The following TBC1D17 variants were observed in gnomAD, a reference collection of about 807,000 sequenced individuals.
TBC1D17 encodes the protein TBC1 domain family member 17, also known as TBC1 domain family, member 17.
A neutral mutation model predicts 78.8 loss-of-function variants in TBC1D17; 69 were observed. The ratio of observed to expected loss-of-function variants is 0.88; its 90% CI spans 0.72 to 1.07. TBC1D17 has a LOEUF of 1.07. Ranked by LOEUF, TBC1D17 falls within the 50% of genes least tolerant of loss-of-function variation. The pLI, the probability that TBC1D17 is intolerant of heterozygous loss-of-function variation, is 0.00. For synonymous variants in TBC1D17, 456 were observed against 358.3 expected (o/e 1.27, Z -3.08); for missense variants, 957 against 861.0 (o/e 1.11, Z -1.39).
intron 1 of TBC1D17, 116 bp downstream of exon 1, chr19:49,877,860 G>A (rs909921849): frequency 8.4e-6 from 11 of 1,303,174 alleles, no homozygotes; most frequent in Non-Finnish European, 1.2e-5. Context: ...GGCAAACACC[G>A]ATCTCTTATA....
intron 9 of TBC1D17, 80 bp downstream of exon 9, chr19:49,883,156 G>A (rs1189942244): frequency 9.7e-6 from 13 of 1,338,738 alleles, no homozygotes; most frequent in East Asian, 4.8e-5. Context: ...TTCTGTGGAC[G>A]CTGGTTGTGA....
Position 49,884,703 on chromosome 19 carries a change from C to T in TBC1D17, c.1389C>T (p.Leu463=), listed in dbSNP as rs773431469. 34 of 1,614,002 alleles carry T rather than the reference C, an allele frequency of 2.1e-5. No individual in the cohort carries two copies. Among genetic ancestry groups the T allele is most frequent in the Non-Finnish European group, 2.4e-5 (28 of 1,180,040 alleles). ...GCCAGGAGACCATGAAGCGGCAACT[C>T]GGGCGACTGCTGCTGCTCCTGAGGG... The part of the protein sequence containing the change: ...EESQETMKRQ[L]GRLLLLLRVL... The change falls in exon 13 of 17, where the codon CTC becomes CTT. Residue 463 remains leucine (L), a synonymous_variant. Transcript: ENST00000221543.
intron 4 of TBC1D17, 104 bp downstream of exon 4, chr19:49,880,506 A>C: frequency 2.7e-5 from 39 of 1,437,686 alleles, no homozygotes; most frequent in Non-Finnish European, 3.6e-5. Context: ...ACAATCAAGA[A>C]GGCCACCAGT....
intron 15 of TBC1D17, 93 bp from the exon 16 acceptor site, chr19:49,888,138 T>G (rs762494490): frequency 1.8e-5 from 28 of 1,539,226 alleles, no homozygotes; most frequent in Non-Finnish European, 2.5e-5. Flanking sequence ...CAGCCCGGTG[T>G]GTCTTCATTG....
chr19:49,882,856 GCAGGTCC>G lies in TBC1D17; in HGVS notation c.893_899del (p.Gln298LeufsTer3), dbSNP rs1262624147. 1.9e-6 allele frequency: 3 copies of G among 1,611,248 alleles called. No individual in the cohort carries two copies. The highest frequency in any genetic ancestry group is 2.5e-6 in the Non-Finnish European group (3 of 1,179,266). On this transcript the variant is annotated frameshift_variant, in exon 8 of 17. Coordinates refer to ENST00000221543, the MANE Select transcript of TBC1D17 (RefSeq NM_024682.3). LOFTEE classifies it high-confidence loss of function. ...ACGTGGGCCCTGAAGGTCGCCTGCAGCAGGTCCCTGAGCTGAAGAACCGGATCTTCTC... is the reference window on the plus strand; with the variant it reads ...ACGTGGGCCCTGAAGGTCGCCTGCAGCTGAGCTGAAGAACCGGATCTTCTC...
At chr19:49,878,776 G>A (rs968501418) in intron 3 of TBC1D17, 20 of 581,530 alleles carry the variant, frequency 3.4e-5, no homozygotes, top group Admixed American at 9.0e-5. Flanking sequence ...AGAGCAGGGA[G>A]CATAAGACGC....
chr19:49,880,711 G>A (rs1600445247), intron 4 of TBC1D17, among the ~76,000 whole-genome samples: 3 of 152,334 alleles, frequency 2.0e-5, no homozygotes, highest in Admixed American at 2.0e-4. Context: ...AGCCAGTTAG[G>A]GTGATTTGCA....
intron 3 of TBC1D17, chr19:49,878,993 C>T (rs1236140252): frequency 1.1e-5 from 2 of 182,490 alleles, no homozygotes; most frequent in Non-Finnish European, 2.3e-5. Context: ...GGCTGGACCC[C>T]GTCCTGGGCA....
chr19:49,887,401 T>A (rs946266418), intron 13 of TBC1D17, 75 bp from the exon 14 acceptor site: 3 of 1,465,426 alleles, frequency 2.0e-6, no homozygotes, highest in Non-Finnish European at 2.8e-6. Flanking sequence ...GGGAAGGTCT[T>A]CCAGTCAGGA....
intron 3 of TBC1D17, 110 bp from the exon 4 acceptor site, chr19:49,880,167 TTC>T: frequency 7.1e-7 from 1 of 1,409,850 alleles, no homozygotes; most frequent in Non-Finnish European, 9.7e-7. Flanking sequence ...CTGCTGTACC[TTC>T]TTTGTGCCTC....
intron 13 of TBC1D17, among the ~76,000 whole-genome samples, chr19:49,886,137 G>A (rs1207063886): frequency 9.0e-5 from 13 of 144,092 alleles, no homozygotes; most frequent in Non-Finnish European, 1.7e-4. Flanking sequence ...AAAATTAGCC[G>A]GGGGTGGTGG....
At chr19:49,884,585 A>T in intron 12 of TBC1D17, 26 bp downstream of exon 12, 3 of 1,613,448 alleles carry the variant, frequency 1.9e-6, no homozygotes, top group Non-Finnish European at 2.5e-6. Context: ...GGGGTGGGAC[A>T]CAGGCCTATC....
At chr19:49,887,620 T>A (rs1215663674) in intron 14 of TBC1D17, 47 bp downstream of exon 14, 2 of 1,611,242 alleles carry the variant, frequency 1.2e-6, no homozygotes, top group South Asian at 2.2e-5. Flanking sequence ...TGGGCTCACC[T>A]GCCCTGGGAG....
rs868793923 is a variant in TBC1D17 at position 49,882,231 on chromosome 19, C to A, written c.640-11C>A. ...GGGCGGGCCGTGACCTCCCTTTGGC[C>A]TCGTCCCCAGCGCTTCCTCCAGGAT... On this transcript the variant is annotated splice_polypyrimidine_tract_variant and intron_variant, in intron 6 of 16. Transcript: ENST00000221543. 3.7e-6 allele frequency: 6 copies of A among 1,612,290 alleles called. No individual in the cohort carries two copies. In the African/African-American group the frequency reaches 5.3e-5, roughly 14 times the overall value.
intron 13 of TBC1D17, chr19:49,885,500 A>G (rs2075051745): frequency 6.6e-6 from 1 of 151,820 alleles, no homozygotes; most frequent in African/African-American, 2.4e-5. Flanking sequence ...TCAATGTAAA[A>G]ACTGCAGGAA....
intron 13 of TBC1D17, chr19:49,885,094 G>T: frequency 3.2e-6 from 1 of 311,638 alleles, no homozygotes; most frequent in Non-Finnish European, 6.1e-6. Flanking sequence ...CCTTGAACCA[G>T]GAATCAGAGA....
chr19:49,883,253 C>G (rs887437687), intron 9 of TBC1D17, among the ~76,000 whole-genome samples, 177 bp downstream of exon 9: 3 of 152,196 alleles, frequency 2.0e-5, no homozygotes, highest in Non-Finnish European at 4.4e-5. Context: ...TGGTCTGTCT[C>G]CATTGCAGTT....
In TBC1D17 at chr19:49,888,464, C is replaced by A; in HGVS notation, c.1787C>A (p.Pro596Gln). The stretch of plus-strand genomic sequence containing the variant: ...GTGCAGGAGATCCTGGGGCTGGCCC[C>A]GCCCGCAGAGCCCCACAGCCCCTCG... The part of the protein sequence containing the change: ...HNVQEILGLA[P>Q]PAEPHSPSPT... Residue 596 changes from proline (P) to glutamine (Q), a missense_variant, in exon 17 of 17, where the codon CCG (proline) becomes CAG (glutamine). Physicochemically the swap from Pro to Gln is moderately conservative, Grantham distance 76. Transcript: ENST00000221543. 1.3e-6 allele frequency: 2 copies of A among 1,598,034 alleles called. No individual in the cohort carries two copies. The highest frequency in any genetic ancestry group is 2.2e-5 in the East Asian group (1 of 44,516).
Position 49,878,505 on chromosome 19 carries a change from A to G in TBC1D17, c.128A>G (p.Asp43Gly). The G allele has an allele frequency of 6.2e-7, 1 of 1,613,868 alleles. No individual in the cohort carries two copies. The highest frequency in any genetic ancestry group is 1.7e-5 in the Admixed American group (1 of 60,022). The part of the protein sequence containing the change: ...GVIRVVEKDN[D>G]VLLHWAPVEE... ...CCTCCCTCCTTACCCTAGGACAATG[A>G]CGTCCTCCTGCACTGGGCTCCTGTA... Residue 43 changes from aspartate (D) to glycine (G), a missense_variant, in exon 3 of 17, where the codon GAC becomes GGC. Physicochemically the swap from Asp to Gly is moderately conservative, Grantham distance 94 (BLOSUM62 -1). Coordinates refer to ENST00000221543, the MANE Select transcript of TBC1D17 (RefSeq NM_024682.3).
Sources: allele counts gnomAD v4.1 joint callset (sites outside exome capture counted in the v4.1 genomes callset), GRCh38; gene constraint gnomAD v4.1.1; transcripts MANE v1.5; gene names NCBI Gene and HGNC (gene_info 2026-07-23, HGNC 2026-07-21).